SMG1: variants seen among roughly 807,000 people sequenced by gnomAD.
The protein encoded by SMG1 is SMG1 nonsense mediated mRNA decay associated PI3K related kinase.
In SMG1, 22 loss-of-function variants were observed where a neutral mutation model predicts 419.9. That is an observed-to-expected ratio of 0.05 (90% confidence interval 0.04 to 0.07). The LOEUF is 0.07. Ranked by LOEUF, SMG1 falls within the 10% of genes least tolerant of loss-of-function variation. SMG1 has a pLI of 1.00. For synonymous variants in SMG1, 1,538 were observed against 1,553.5 expected (o/e 0.99, Z 0.23); for missense variants, 3,185 against 4,342.0 (o/e 0.73, Z 7.49).
chr16:18,881,665 T>C (rs1278503850), intron 10 of SMG1, among the ~76,000 whole-genome samples: 2 of 152,160 alleles, frequency 1.3e-5, no homozygotes, highest in Non-Finnish European at 2.9e-5. Context: ...CAGCTAATGT[T>C]TGAGGCTGCT....
At chr16:18,886,178 G>A (rs1437523943) in intron 6 of SMG1, among the ~76,000 whole-genome samples, 3 of 151,398 alleles carry the variant, frequency 2.0e-5, no homozygotes. Context: ...AATGGATTTG[G>A]GAAACTTTTC....
chr16:18,897,420 G>T (rs1339354426), intron 1 of SMG1, among the ~76,000 whole-genome samples: 2 of 152,066 alleles, frequency 1.3e-5, no homozygotes, highest in Non-Finnish European at 2.9e-5. Flanking sequence ...AGCATGTCAG[G>T]GACGGGCAAT....
At chr16:18,919,675 C>T (rs868302754) in intron 1 of SMG1, among the ~76,000 whole-genome samples, 11,506 of 145,724 alleles carry the variant, frequency 0.079, 640 homozygotes, top group Middle Eastern at 0.17. Context: ...CACACACACA[C>T]ACACACACAC....
chr16:18,916,350 C>T (rs1263250320), intron 1 of SMG1, among the ~76,000 whole-genome samples: 1 of 150,904 alleles, frequency 6.6e-6, no homozygotes, highest in African/African-American at 2.4e-5. Flanking sequence ...CCCGTCTCTA[C>T]CAAAAATACA....
chr16:18,872,914 G>T (rs2035902382), intron 13 of SMG1, among the ~76,000 whole-genome samples: 1 of 152,128 alleles, frequency 6.6e-6, no homozygotes, highest in African/African-American at 2.4e-5. Flanking sequence ...AGCACTTTGG[G>T]AGGGTAAGGT....
intron 1 of SMG1, among the ~76,000 whole-genome samples, chr16:18,912,685 T>G (rs1453821582): frequency 6.6e-6 from 1 of 152,126 alleles, no homozygotes; most frequent in Non-Finnish European, 1.5e-5. Flanking sequence ...TGCTATTAAG[T>G]GTAAGTTAAT....
At chr16:18,891,495 G>C (rs1356903720) in intron 4 of SMG1, among the ~76,000 whole-genome samples, 3 of 151,634 alleles carry the variant, frequency 2.0e-5, no homozygotes, top group African/African-American at 4.9e-5. Flanking sequence ...GAGTGCAATG[G>C]CATGATCTCA....
chr16:18,828,109 T>C lies in SMG1; in HGVS notation c.9663A>G (p.Pro3221=). ...TCATGCTGGTTAGGATAGCAGACCG[T>C]GGGGGAGGTGTGACTGACATGGCTT... The part of the protein sequence containing the change: ...RPQAMSVTPP[P]RSAILTSMKK... Residue 3221 remains proline (P), a synonymous_variant, in exon 55 of 63, where the codon CCA becomes CCG. Transcript: ENST00000446231. 6.2e-7 allele frequency: 1 copy of C among 1,613,512 alleles called. No homozygotes were observed. The highest frequency in any genetic ancestry group is 8.5e-7 in the Non-Finnish European group (1 of 1,179,688).
chr16:18,863,476 T>G (rs1323979536), intron 25 of SMG1, among the ~76,000 whole-genome samples, 174 bp downstream of exon 25: 2 of 152,246 alleles, frequency 1.3e-5, no homozygotes, highest in African/African-American at 4.8e-5. Flanking sequence ...ATTACACAAA[T>G]ACCTTCCCTC....
In SMG1 at chr16:18,849,252, C is replaced by T; in HGVS notation, c.5588G>A (p.Gly1863Asp). 6.2e-7 allele frequency: 1 copy of T among 1,613,054 alleles called. No individual in the cohort carries two copies. Among genetic ancestry groups the T allele is most frequent in the Non-Finnish European group, 8.5e-7 (1 of 1,179,302 alleles). ...GGATTCACTACTAAGCGATATGGTA[C>T]CCACTATTGCAGGATACAATATGAG... is the stretch of plus-strand genomic sequence containing the variant. ...PHLILYPAIV[G>D]TISLSSESQA... is the part of the protein sequence containing the mutation. The change falls in exon 36 of 63, where the codon GGT becomes GAT. Residue 1863 changes from glycine (G) to aspartate (D), a missense_variant. Coordinates refer to ENST00000446231, the MANE Select transcript of SMG1 (RefSeq NM_015092.5).
chr16:18,846,855 G>A (rs910687785), intron 38 of SMG1, among the ~76,000 whole-genome samples: 1 of 152,128 alleles, frequency 6.6e-6, no homozygotes, highest in African/African-American at 2.4e-5. Flanking sequence ...ATTGCCATAC[G>A]ATTCAGCAAA....
At chr16:18,874,912 T>C (rs1252265711) in intron 13 of SMG1, among the ~76,000 whole-genome samples, 1 of 142,134 alleles carries the variant, frequency 7.0e-6, no homozygotes, top group African/African-American at 2.6e-5. Flanking sequence ...CCTTTTTTTT[T>C]TTTTTTTCCC....
In SMG1 at chr16:18,885,629, A is replaced by G; in HGVS notation, c.860T>C (p.Val287Ala). The G allele has an allele frequency of 6.3e-7, 1 of 1,596,172 alleles. No homozygotes were observed. Among genetic ancestry groups the G allele is most frequent in the South Asian group, 1.1e-5 (1 of 90,994 alleles). Residue 287 changes from valine (V) to alanine (A), a missense_variant, in exon 7 of 63, where the codon GTG becomes GCG. This residue lies in a region of SMG1 where 53 missense variants were observed against 56.3 expected (regional missense o/e 0.94). Coordinates refer to ENST00000446231, the MANE Select transcript of SMG1 (RefSeq NM_015092.5). ...TTTACAAAGCAATTCTGGTGTATCC[A>G]CATTTTCAAGAATAGACTGCAGGCT... Reference protein sequence around the residue: ...MTSLQSILENVDTPELLCKCV... With the variant: ...MTSLQSILENADTPELLCKCV...
At chr16:18,886,554 A>T (rs887936536) in intron 6 of SMG1, among the ~76,000 whole-genome samples, 1 of 152,160 alleles carries the variant, frequency 6.6e-6, no homozygotes, top group African/African-American at 2.4e-5. Flanking sequence ...TGTAACCCCA[A>T]CACTTTGGGA....
chr16:18,817,501 A>AGATGG, intron 56 of SMG1, 31 bp from the exon 57 acceptor site: 1 of 1,501,174 alleles, frequency 6.7e-7, no homozygotes, highest in South Asian at 1.3e-5. Flanking sequence ...CCACAAGAGG[A>AGATGG]GATGGGAGGA....
chr16:18,815,094 TAGAC>T, intron 60 of SMG1, 77 bp downstream of exon 60: 1 of 883,908 alleles, frequency 1.1e-6, no homozygotes, highest in African/African-American at 1.7e-5. Flanking sequence ...TGTTTAATAT[TAGAC>T]AGTTATGTAT....
At chr16:18,876,100 A>G (rs1226713943) in intron 13 of SMG1, 24 bp downstream of exon 13, 11 of 1,609,932 alleles carry the variant, frequency 6.8e-6, no homozygotes. Context: ...GGATAAAACA[A>G]AGTCATTACA....
chr16:18,805,373 A>G lies in SMG1; in HGVS notation c.*4196T>C, dbSNP rs2141890532. 1 of 152,168 alleles carries G rather than the reference A, an allele frequency of 6.6e-6. No individual in the cohort carries two copies. The highest frequency in any genetic ancestry group is 2.1e-4 in the South Asian group (1 of 4,766). 9.4% of individuals were successfully genotyped at this position (152,168 alleles called of 1,614,324 possible). A position where few individuals can be genotyped will look rare whatever the true frequency, so the allele number is the denominator to read the frequency against. Reference sequence around the variant, plus strand: ...TTTACCATCTTCAAAAATCTTCTAAATTGTATGACACTTTTACATTAGCAC... The same window carrying G: ...TTTACCATCTTCAAAAATCTTCTAAGTTGTATGACACTTTTACATTAGCAC... On this transcript the variant is annotated 3_prime_UTR_variant, in exon 63 of 63. Coordinates refer to ENST00000446231, the MANE Select transcript of SMG1 (RefSeq NM_015092.5).
At chr16:18,884,994 G>A in intron 8 of SMG1, 96 bp downstream of exon 8, 1 of 647,462 alleles carries the variant, frequency 1.5e-6, no homozygotes, top group South Asian at 1.7e-5. Context: ...TAGTTTTCTT[G>A]CATTATTAAA....
Sources: allele counts gnomAD v4.1 joint callset (sites outside exome capture counted in the v4.1 genomes callset), GRCh38; gene constraint gnomAD v4.1.1; regional missense constraint gnomAD v4.1.1; transcripts MANE v1.5; gene names NCBI Gene and HGNC (gene_info 2026-07-23, HGNC 2026-07-21).